Variants in MGAT5 observed in about 807,000 individuals in gnomAD.
The protein encoded by MGAT5 is alpha-1,6-mannosylglycoprotein 6-beta-N-acetylglucosaminyltransferase A.
A neutral mutation model predicts 94.3 loss-of-function variants in MGAT5; 30 were observed. That is an observed-to-expected ratio of 0.32 (90% CI 0.24 to 0.43). The LOEUF (loss-of-function observed/expected upper bound fraction) is 0.43. Among genes scored for constraint, MGAT5 ranks in the 20% least tolerant of loss-of-function variants. The pLI is 1.00. For missense variants in MGAT5, 691 were observed against 905.5 expected, an observed-to-expected ratio of 0.76 and a Z score of 3.04; for synonymous variants, 310 against 322.9, an observed-to-expected ratio of 0.96 and a Z score of 0.43.
chr2:134,379,241 G>A (rs1005925826), intron 10 of MGAT5, among the ~76,000 whole-genome samples: 1 of 152,208 alleles, frequency 6.6e-6, no homozygotes, highest in Non-Finnish European at 1.5e-5. Flanking sequence ...TTGCAGAAAC[G>A]TGTGTACTTT....
chr2:134,254,794 GA>G, intron 1 of MGAT5, 150 bp downstream of exon 1: 2 of 1,152,212 alleles, frequency 1.7e-6, no homozygotes, highest in Non-Finnish European at 2.5e-6. Context: ...GCATCTTTAG[GA>G]AATTAAAGCA....
At chr2:134,164,056 A>G (rs182441819) in intron 1 of MGAT5, among the ~76,000 whole-genome samples, 6 of 152,178 alleles carry the variant, frequency 3.9e-5, no homozygotes, top group Admixed American at 1.3e-4. Flanking sequence ...ACTCATATCA[A>G]TGATCTTGCC....
chr2:134,141,376 G>C (rs1013640902), intron 1 of MGAT5, among the ~76,000 whole-genome samples: 1 of 152,176 alleles, frequency 6.6e-6, no homozygotes, highest in Admixed American at 6.5e-5. Context: ...CAGCAACCTT[G>C]TCTGTCTTAT....
intron 2 of MGAT5, among the ~76,000 whole-genome samples, chr2:134,280,960 T>A (rs924725007): frequency 1.3e-5 from 2 of 152,228 alleles, no homozygotes; most frequent in African/African-American, 4.8e-5. Context: ...TTGCATTTTA[T>A]ACAGAAAACC....
chr2:134,385,875 T>G (rs1681939705), intron 10 of MGAT5, among the ~76,000 whole-genome samples: 1 of 152,144 alleles, frequency 6.6e-6, no homozygotes, highest in Non-Finnish European at 1.5e-5. Context: ...TTTAGCAGGG[T>G]TTTTTTGTTT....
chr2:134,354,676 G>A (rs1679612427), intron 9 of MGAT5, among the ~76,000 whole-genome samples: 1 of 152,068 alleles, frequency 6.6e-6, no homozygotes, highest in African/African-American at 2.4e-5. Flanking sequence ...TTGCAGTTAG[G>A]CATTTTAGGT....
intron 1 of MGAT5, among the ~76,000 whole-genome samples, chr2:134,201,484 G>T (rs577673411): frequency 6.6e-6 from 1 of 152,266 alleles, no homozygotes; most frequent in East Asian, 1.9e-4. Context: ...GATAATGGGG[G>T]TGTGGGGAGT....
exon 1 of MGAT5, chr2:134,120,189 G>T: frequency 4.2e-6 from 1 of 235,792 alleles, no homozygotes; most frequent in Non-Finnish European, 8.2e-6. Context: ...TCCAGCCCAG[G>T]TAGCCGCGCC....
intron 1 of MGAT5, among the ~76,000 whole-genome samples, chr2:134,150,144 T>A (rs1335038314): frequency 6.6e-6 from 1 of 152,020 alleles, no homozygotes. Context: ...CTGTCAGATG[T>A]CAGCACTGTG....
At chr2:134,357,622 T>C (rs1326056393) in intron 9 of MGAT5, among the ~76,000 whole-genome samples, 1 of 152,236 alleles carries the variant, frequency 6.6e-6, no homozygotes, top group Admixed American at 6.5e-5. Context: ...GCTCTTGCCT[T>C]TAAGTTCTGT....
chr2:134,371,496 C>T (rs534410916), intron 10 of MGAT5, among the ~76,000 whole-genome samples: 3 of 152,300 alleles, frequency 2.0e-5, no homozygotes, highest in East Asian at 3.9e-4. Flanking sequence ...CTTGTCAGAG[C>T]CCAGCCCACT....
intron 1 of MGAT5, among the ~76,000 whole-genome samples, chr2:134,145,194 GTGTGTGTGTGTCTCTCTCTC>G (rs1686854046): frequency 2.5e-5 from 3 of 119,762 alleles, no homozygotes; most frequent in Admixed American, 1.7e-4. Context: ...CCAAAGTAAG[GTGTGTGTGTGTCTCTCTCTC>G]TGTGTGTGTG....
intron 9 of MGAT5, among the ~76,000 whole-genome samples, chr2:134,351,752 G>A (rs894106968): frequency 1.8e-4 from 28 of 152,224 alleles, no homozygotes; most frequent in Middle Eastern, 3.4e-3. Flanking sequence ...AGAAGAACCT[G>A]TATGGCAAAA....
chr2:134,179,190 A>C (rs545584683), intron 1 of MGAT5, among the ~76,000 whole-genome samples: 18 of 152,270 alleles, frequency 1.2e-4, no homozygotes, highest in African/African-American at 3.9e-4. Flanking sequence ...TTTTTTTAAA[A>C]AAGTGATTTT....
At position 134,322,589 on chromosome 2, in the gene MGAT5, A is replaced by G. The variant is rs541130343; in HGVS notation, c.573+3850A>G. Among the ~76,000 whole-genome samples the G allele has an allele frequency of 3.9e-5, 6 of 152,282 alleles. No homozygotes were observed. The East Asian group carries it at 5.8e-4, about 15-fold the overall frequency. On this transcript the variant is annotated intron_variant, in intron 4 of 15. Coordinates refer to ENST00000281923, the MANE Select transcript of MGAT5 (RefSeq NM_002410.5). ...ACGTATGGACCCAGTGCACCCTACC[A>G]TTGTTAATGTGAGATTAGTAGAGAT...
intron 1 of MGAT5, among the ~76,000 whole-genome samples, chr2:134,167,393 C>A (rs894869168): frequency 2.0e-5 from 3 of 152,122 alleles, no homozygotes; most frequent in African/African-American, 7.2e-5. Flanking sequence ...AGCGTGTTGG[C>A]AGTGGTTCTC....
intron 12 of MGAT5, among the ~76,000 whole-genome samples, chr2:134,418,136 C>T (rs1684082033): frequency 6.6e-6 from 1 of 152,038 alleles, no homozygotes; most frequent in Admixed American, 6.6e-5. Flanking sequence ...TGAACATTGC[C>T]CAGTGAATGA....
rs150806358 is a variant in MGAT5, at chr2:134,351,198, G to A, written c.1246+1260G>A. Among the ~76,000 whole-genome samples the A allele has an allele frequency of 4.0e-4, 61 of 152,188 alleles. 1 individual carries two copies. The East Asian group carries it at 7.9e-3, about 20-fold the overall frequency. ...CTGTATCATCCTGCTATTACACACCGTCCCTGGGGCACAGTTCATGGAGCA... is the reference window on the plus strand; with the variant it reads ...CTGTATCATCCTGCTATTACACACCATCCCTGGGGCACAGTTCATGGAGCA... On this transcript the variant is annotated intron_variant, in intron 9 of 15. Transcript: ENST00000281923.
chr2:134,390,345 T>C (rs1558850405), intron 10 of MGAT5, among the ~76,000 whole-genome samples: 1 of 147,642 alleles, frequency 6.8e-6, no homozygotes, highest in Non-Finnish European at 1.5e-5. Flanking sequence ...TCAGTTACTT[T>C]GTTTGTTTGT....
Sources: gnomAD v4.1 joint callset for allele counts (sites outside exome capture counted in the v4.1 genomes callset) on GRCh38, gnomAD v4.1.1 for gene constraint, MANE v1.5 for transcripts, NCBI Gene and HGNC (gene_info 2026-07-23, HGNC 2026-07-21) for gene names.